NAV2: variants seen among roughly 807,000 people sequenced by gnomAD.
NAV2 encodes the protein neuron navigator 2.
Under a neutral mutation model 223.2 loss-of-function variants are expected in NAV2, and 54 were observed. The observed-to-expected ratio is 0.24, with a 90% CI of 0.19 to 0.30. The LOEUF (loss-of-function observed/expected upper bound fraction) is 0.30. Ranked by LOEUF, NAV2 falls within the 10% of genes least tolerant of loss-of-function variation. NAV2 has a pLI of 1.00. For synonymous variants in NAV2, 1,279 were observed against 1,239.3 expected (o/e 1.03, Z -0.67); for missense variants, 2,806 against 3,147.5 (o/e 0.89, Z 2.60).
intron 1 of NAV2, among the ~76,000 whole-genome samples, chr11:19,596,665 C>T (rs974240815): frequency 6.6e-6 from 1 of 152,200 alleles, no homozygotes; most frequent in Non-Finnish European, 1.5e-5. Flanking sequence ...TCCCAAGGGA[C>T]ACAGGCAGAC....
chr11:19,880,152 G>T (rs753264405), intron 5 of NAV2, 25 bp downstream of exon 5: 2 of 1,538,514 alleles, frequency 1.3e-6, no homozygotes, highest in Non-Finnish European at 1.7e-6. Context: ...CCAACTGATG[G>T]TTCTGTTTTT....
At chr11:19,377,773 G>A (rs1848692366) in intron 1 of NAV2, among the ~76,000 whole-genome samples, 2 of 152,176 alleles carry the variant, frequency 1.3e-5, no homozygotes, top group Non-Finnish European at 2.9e-5. Context: ...GATAACCCAG[G>A]TCTCCTGCTT....
chr11:19,898,862 G>A (rs1387903318), intron 6 of NAV2, among the ~76,000 whole-genome samples: 1 of 152,094 alleles, frequency 6.6e-6, no homozygotes, highest in Non-Finnish European at 1.5e-5. Flanking sequence ...TTGAAATGAG[G>A]CAAATTATTT....
Position 19,948,827 on chromosome 11 carries a change from C to T in NAV2, c.2392C>T (p.Pro798Ser). The change falls in exon 10 of 38, where the codon CCC becomes TCC. Residue 798 changes from proline (P) to serine (S), a missense_variant. Pro to Ser is a moderately conservative substitution (Grantham distance 74). Coordinates refer to ENST00000349880, the MANE Select transcript of NAV2 (RefSeq NM_145117.5). Reference protein sequence around the residue: ...SSPRLQAGDAPSMGNGYPPRA... With the variant: ...SSPRLQAGDASSMGNGYPPRA... Reference sequence around the variant, plus strand: ...CCCTCGGCTCCAAGCAGGAGACGCCCCCTCAATGGGCAATGGGTATCCCCC... The same window carrying T: ...CCCTCGGCTCCAAGCAGGAGACGCCTCCTCAATGGGCAATGGGTATCCCCC... The T allele has an allele frequency of 6.2e-7, 1 of 1,614,004 alleles. No homozygotes were observed. The highest frequency in any genetic ancestry group is 8.5e-7 in the Non-Finnish European group (1 of 1,180,008).
chr11:19,695,747 T>C (rs2049312227), intron 1 of NAV2, among the ~76,000 whole-genome samples: 2 of 150,664 alleles, frequency 1.3e-5, no homozygotes, highest in Non-Finnish European at 2.9e-5. Context: ...CTACTAAAAA[T>C]ATAAAAATTA....
chr11:19,583,170 T>C (rs527578725), intron 1 of NAV2, among the ~76,000 whole-genome samples: 64 of 152,346 alleles, frequency 4.2e-4, no homozygotes, highest in African/African-American at 1.4e-3. Flanking sequence ...ATGATTTTGC[T>C]CTCTGTTTCT....
chr11:20,064,551 T>A (rs2013090), intron 20 of NAV2, among the ~76,000 whole-genome samples: 150,882 of 152,278 alleles, frequency 0.99, 74,762 homozygotes, highest in Non-Finnish European at 1. Flanking sequence ...GGGAAAGAGC[T>A]TAAGCTTCTC....
rs550550931 is a variant in NAV2, at chr11:19,897,322, G to T, written c.931+4728G>T. Among the ~76,000 whole-genome samples the T allele has an allele frequency of 8.7e-4, 132 of 151,910 alleles. 1 individual carries two copies. The highest frequency in any genetic ancestry group is 1.3e-3 in the Non-Finnish European group (86 of 67,996). On this transcript the variant is annotated intron_variant, in intron 6 of 37. Transcript: ENST00000349880. ...GGGTTCAGCACACCAACATGGCACG[G>T]GTATACATATGTAACTAACCTGCAC...
intron 4 of NAV2, among the ~76,000 whole-genome samples, chr11:19,873,100 C>T (rs181361576): frequency 4.3e-4 from 65 of 152,308 alleles, no homozygotes; most frequent in African/African-American, 1.5e-3. Flanking sequence ...AGCCCATCCT[C>T]CTGCAATGGA....
chr11:20,021,844 C>A (rs1317420578), intron 11 of NAV2, among the ~76,000 whole-genome samples: 1 of 152,192 alleles, frequency 6.6e-6, no homozygotes, highest in Non-Finnish European at 1.5e-5. Flanking sequence ...ACCACCAGAC[C>A]CTCCTCTCCT....
chr11:19,953,849 A>ACACC (rs1555167180), intron 10 of NAV2, among the ~76,000 whole-genome samples: 1 of 126,404 alleles, frequency 7.9e-6, no homozygotes, highest in African/African-American at 4.3e-5. Context: ...AGAAATGTGC[A>ACACC]CGCGCGCGCG....
chr11:19,712,163 C>T (rs1590132712), upstream of NAV2: 2 of 152,140 alleles, frequency 1.3e-5, no homozygotes, highest in South Asian at 4.1e-4. Context: ...CAGAGCCTGC[C>T]GGGGTCATGG....
chr11:19,399,617 G>T (rs1280156167), intron 1 of NAV2, among the ~76,000 whole-genome samples: 1 of 152,220 alleles, frequency 6.6e-6, no homozygotes, highest in Non-Finnish European at 1.5e-5. Flanking sequence ...GCAGGGTTAA[G>T]ATGGCAGACC....
intron 22 of NAV2, among the ~76,000 whole-genome samples, chr11:20,070,212 T>C (rs1013887790): frequency 2.0e-5 from 3 of 152,150 alleles, no homozygotes; most frequent in Non-Finnish European, 4.4e-5. Context: ...GATAACTAGA[T>C]GTGTAGATTT....
intron 1 of NAV2, among the ~76,000 whole-genome samples, chr11:19,655,656 C>G (rs927011733): frequency 6.8e-6 from 1 of 147,320 alleles, no homozygotes; most frequent in African/African-American, 2.5e-5. Context: ...AAACCAAACA[C>G]TGCATTGTTC....
At chr11:20,037,975 C>CAGAGAG (rs138521927) in intron 12 of NAV2, among the ~76,000 whole-genome samples, 1 of 150,384 alleles carries the variant, frequency 6.6e-6, no homozygotes, top group Non-Finnish European at 1.5e-5. Context: ...AGAGGTACTG[C>CAGAGAG]AGAGAGAGAG....
intron 32 of NAV2, among the ~76,000 whole-genome samples, chr11:20,101,775 G>T (rs566355648): frequency 3.3e-4 from 51 of 152,324 alleles, no homozygotes; most frequent in African/African-American, 1.2e-3. Context: ...TTCACGGTGA[G>T]CAACGGAAAC....
intron 1 of NAV2, among the ~76,000 whole-genome samples, chr11:19,540,557 C>T (rs1398454676): frequency 2.6e-5 from 4 of 152,204 alleles, no homozygotes; most frequent in Non-Finnish European, 5.9e-5. Context: ...AGATTTAACC[C>T]TCCAACCCTC....
chr11:19,575,083 T>C (rs1034797652), intron 1 of NAV2, among the ~76,000 whole-genome samples: 4 of 152,190 alleles, frequency 2.6e-5, no homozygotes, highest in Non-Finnish European at 5.9e-5. Context: ...TCTTCAAGGG[T>C]TGGCTGCACT....
Sources: gnomAD v4.1 joint callset for allele counts (sites outside exome capture counted in the v4.1 genomes callset) on GRCh38, gnomAD v4.1.1 for gene constraint, MANE v1.5 for transcripts, NCBI Gene and HGNC (gene_info 2026-07-23, HGNC 2026-07-21) for gene names.